Variants in THSD4 observed in about 807,000 individuals in gnomAD.
THSD4 encodes thrombospondin type 1 domain containing 4.
In THSD4, 69 loss-of-function variants were observed where a neutral mutation model predicts 119.0. The observed-to-expected ratio is 0.58, with a 90% CI of 0.48 to 0.71. The LOEUF is 0.71. Among genes scored for constraint, THSD4 ranks in the 30% least tolerant of loss-of-function variants. The probability of loss-of-function intolerance (pLI) is 0.00; values close to 1 mark genes in which losing one functional copy is unlikely to be tolerated. For synonymous variants in THSD4, 524 were observed against 540.4 expected, an observed-to-expected ratio of 0.97 and a Z score of 0.42; for missense variants, 1,393 against 1,391.1, an observed-to-expected ratio of 1.00 and a Z score of -0.02.
chr15:71,695,349 TTGTGTATGTATGAG>T lies in THSD4; in HGVS notation c.1358-33194_1358-33181del, dbSNP rs940761659. The stretch of plus-strand genomic sequence containing the variant: ...ATTGTATGTGTATGTGTGTGTGTGT[TTGTGTATGTATGAG>T]TGTGTGTGTATGTATGTGTGTGTGC... On this transcript the variant is annotated intron_variant, in intron 8 of 17. Coordinates refer to ENST00000261862, the MANE Select transcript of THSD4 (RefSeq NM_024817.3). 4.4e-4 allele frequency among the ~76,000 whole-genome samples: 66 copies of T among 151,252 alleles called. 1 individual carries two copies. The South Asian group carries it at 0.013, about 30-fold the overall frequency.
At chr15:71,448,969 A>T (rs12914744) in intron 7 of THSD4, among the ~76,000 whole-genome samples, 36,539 of 152,116 alleles carry the variant, frequency 0.24, 4,779 homozygotes, top group Admixed American at 0.32. Context: ...AACACATTTC[A>T]TGAGTACATA....
rs1450069401 is a variant in THSD4, at chr15:71,454,937, C to G, written c.1152+43114C>G. Among the ~76,000 whole-genome samples the G allele has an allele frequency of 2.0e-5, 3 of 152,198 alleles. No homozygotes were observed. The East Asian group carries it at 5.8e-4, about 29-fold the overall frequency. On this transcript the variant is annotated intron_variant, in intron 7 of 17. Transcript: ENST00000261862. ...ACTCTCTCCTTCCAAAGCCAGAAGC[C>G]TGTGGGACCCCTGCTACAGCTTTGA...
At chr15:71,242,569 C>A in intron 4 of THSD4, 80 bp from the exon 5 acceptor site, 1 of 1,471,432 alleles carries the variant, frequency 6.8e-7, no homozygotes, top group Non-Finnish European at 9.3e-7. Context: ...CTGGTCCTCT[C>A]TACCACGGAC....
chr15:71,397,829 C>T (rs530554780), intron 6 of THSD4, among the ~76,000 whole-genome samples: 1 of 152,306 alleles, frequency 6.6e-6, no homozygotes, highest in South Asian at 2.1e-4. Context: ...ATAGTGTCTA[C>T]TTCTCTAAGA....
At chr15:71,164,512 T>C (rs904325002) in intron 3 of THSD4, among the ~76,000 whole-genome samples, 88 of 152,044 alleles carry the variant, frequency 5.8e-4, no homozygotes, top group African/African-American at 2.0e-3. Flanking sequence ...AACAAGAACC[T>C]GCTTTAAATT....
At chr15:71,312,183 A>G (rs529034483) in intron 6 of THSD4, among the ~76,000 whole-genome samples, 13 of 152,040 alleles carry the variant, frequency 8.6e-5, no homozygotes, top group Non-Finnish European at 1.9e-4. Context: ...TAAGACCTTT[A>G]AAGAGGTAAT....
At chr15:71,649,564 G>C (rs6494951) in intron 7 of THSD4, among the ~76,000 whole-genome samples, 1 of 151,998 alleles carries the variant, frequency 6.6e-6, no homozygotes, top group African/African-American at 2.4e-5. Context: ...GGCATGAGCC[G>C]TGCACCAGCC....
intron 6 of THSD4, chr15:71,341,524 G>T: frequency 6.2e-7 from 1 of 1,611,958 alleles, no homozygotes; most frequent in South Asian, 1.1e-5. Context: ...CTCCACCGTT[G>T]TAATGTCGGA....
chr15:71,439,997 C>G (rs2047068567), intron 7 of THSD4, among the ~76,000 whole-genome samples: 1 of 152,026 alleles, frequency 6.6e-6, no homozygotes, highest in Non-Finnish European at 1.5e-5. Flanking sequence ...ACATGTACCC[C>G]AGAACTTAAA....
intron 1 of THSD4, among the ~76,000 whole-genome samples, chr15:71,106,878 A>T (rs925591511): frequency 2.6e-5 from 4 of 152,134 alleles, no homozygotes; most frequent in Non-Finnish European, 4.4e-5. Flanking sequence ...AAAAAAAAAA[A>T]AAATTTAAAA....
At chr15:71,216,128 TA>T (rs2043930642) in intron 4 of THSD4, among the ~76,000 whole-genome samples, 1 of 152,262 alleles carries the variant, frequency 6.6e-6, no homozygotes, top group Non-Finnish European at 1.5e-5. Context: ...CATCCGGCAG[TA>T]TTTGTTGGGT....
intron 7 of THSD4, among the ~76,000 whole-genome samples, chr15:71,637,437 G>A (rs1231319466): frequency 6.6e-6 from 1 of 152,178 alleles, no homozygotes; most frequent in African/African-American, 2.4e-5. Context: ...TGATCTCAGT[G>A]TCGTGGAAGG....
chr15:71,250,899 C>T (rs1354295855), intron 5 of THSD4, among the ~76,000 whole-genome samples: 1 of 151,966 alleles, frequency 6.6e-6, no homozygotes, highest in Non-Finnish European at 1.5e-5. Context: ...CCTAGGAGAA[C>T]ATTATGAACT....
chr15:71,463,027 C>G (rs1263072083), intron 7 of THSD4, among the ~76,000 whole-genome samples: 1 of 152,148 alleles, frequency 6.6e-6, no homozygotes, highest in Non-Finnish European at 1.5e-5. Flanking sequence ...TAGCTGTGAT[C>G]AACTAAAATT....
At chr15:71,727,551 A>AAAAAAAAAAAATATAT (rs2052873830) in intron 8 of THSD4, among the ~76,000 whole-genome samples, 1 of 107,522 alleles carries the variant, frequency 9.3e-6, no homozygotes, top group African/African-American at 4.4e-5. Flanking sequence ...AAAAAAAAAA[A>AAAAAAAAAAAATATAT]AAATATATAT....
chr15:71,691,478 A>G (rs1290384274), intron 8 of THSD4, among the ~76,000 whole-genome samples: 2 of 152,234 alleles, frequency 1.3e-5, no homozygotes, highest in Admixed American at 1.3e-4. Context: ...CTGGACGGGA[A>G]GGAGCACAGA....
At chr15:71,540,231 G>A (rs2048740261) in intron 7 of THSD4, among the ~76,000 whole-genome samples, 1 of 149,614 alleles carries the variant, frequency 6.7e-6, no homozygotes, top group African/African-American at 2.5e-5. Flanking sequence ...TCTGCCTCCT[G>A]GGTTCAAGCG....
At chr15:71,381,456 T>C (rs1340861558) in intron 6 of THSD4, among the ~76,000 whole-genome samples, 1 of 152,224 alleles carries the variant, frequency 6.6e-6, no homozygotes, top group Non-Finnish European at 1.5e-5. Context: ...GATGTTGGGC[T>C]AGCAGTTTTA....
chr15:71,595,706 G>A (rs537105763), intron 7 of THSD4, among the ~76,000 whole-genome samples: 1 of 152,252 alleles, frequency 6.6e-6, no homozygotes, highest in East Asian at 1.9e-4. Flanking sequence ...GTTAAGTGGA[G>A]AACATTCTCC....
Sources: gnomAD v4.1 joint callset for allele counts (sites outside exome capture counted in the v4.1 genomes callset) on GRCh38, gnomAD v4.1.1 for gene constraint, MANE v1.5 for transcripts, NCBI Gene and HGNC (gene_info 2026-07-23, HGNC 2026-07-21) for gene names.